Variants in WT1 observed in about 807,000 individuals in gnomAD.
WT1 encodes Wilms tumor protein.
In WT1, 8 loss-of-function variants were observed where a neutral mutation model predicts 60.8. The observed-to-expected ratio is 0.13, with a 90% CI of 0.08 to 0.24. WT1 has a LOEUF of 0.24. Ranked by LOEUF, WT1 falls within the 10% of genes least tolerant of loss-of-function variation. WT1 has a pLI of 1.00. For synonymous variants in WT1, 312 were observed against 297.1 expected (o/e 1.05, Z -0.52); for missense variants, 568 against 711.8 (o/e 0.80, Z 2.30).
intron 5 of WT1, among the ~76,000 whole-genome samples, chr11:32,407,650 C>T (rs1218159651): frequency 6.6e-6 from 1 of 152,060 alleles, no homozygotes; most frequent in Non-Finnish European, 1.5e-5. Context: ...CCCATCAACC[C>T]CTCTTCTCTC....
At chr11:32,397,598 G>A (rs1482067249) in intron 6 of WT1, among the ~76,000 whole-genome samples, 2 of 151,786 alleles carry the variant, frequency 1.3e-5, no homozygotes, top group African/African-American at 2.4e-5. Context: ...GGGATTACAG[G>A]TGTGAGCCAC....
At position 32,388,421 on chromosome 11, in the gene WT1, A is replaced by G. The variant is rs996185185; in HGVS notation, c.*637T>C. ...ATTAACTGAATGGTAAAATTCTTTT[A>G]GATTTCTATACAGAGGTACTGGTTA... On this transcript the variant is annotated 3_prime_UTR_variant, in exon 10 of 10. Coordinates refer to ENST00000452863, the MANE Select transcript of WT1 (RefSeq NM_024426.6). 1.7e-5 allele frequency: 4 copies of G among 234,042 alleles called. No homozygotes were observed. The highest frequency in any genetic ancestry group is 3.4e-5 in the Non-Finnish European group (4 of 118,540). 14.5% of individuals were successfully genotyped at this position (234,042 alleles called of 1,614,324 possible).
At chr11:32,399,811 G>C in intron 6 of WT1, 137 bp downstream of exon 6, 1 of 920,444 alleles carries the variant, frequency 1.1e-6, no homozygotes, top group Non-Finnish European at 1.7e-6. Flanking sequence ...ACGAGCAGGT[G>C]TCCCTGATGT....
chr11:32,416,495 C>T lies in WT1; in HGVS notation c.1011G>A (p.Gln337=), dbSNP rs1590373398. 6.2e-7 allele frequency: 1 copy of T among 1,614,136 alleles called. No individual in the cohort carries two copies. Among genetic ancestry groups the T allele is most frequent in the Non-Finnish European group, 8.5e-7 (1 of 1,180,002 alleles). Residue 337 remains glutamine, a synonymous_variant, in exon 5 of 10, where the codon CAG becomes CAA. Coordinates refer to ENST00000452863, the MANE Select transcript of WT1 (RefSeq NM_024426.6). ...TCTCCGCATTGTCCACTCACTTGCT[C>T]TGCCCTTCTGTCCATTTCACTGAGC...
chr11:32,395,510 C>T (rs1418168656), intron 7 of WT1, among the ~76,000 whole-genome samples: 6 of 149,540 alleles, frequency 4.0e-5, no homozygotes, highest in Non-Finnish European at 7.4e-5. Context: ...CTTGCTCTGT[C>T]GCCCAGGCTG....
Position 32,435,413 on chromosome 11 carries a change from C to G in WT1, c.-53G>C. ...GGGCGCCTGGGCTGCCGTCCCGGCTCTGGGTGGGTGGGTGGGTGAATGAGT... is the reference window on the plus strand; with the variant it reads ...GGGCGCCTGGGCTGCCGTCCCGGCTGTGGGTGGGTGGGTGGGTGAATGAGT... On this transcript the variant is annotated 5_prime_UTR_variant, in exon 1 of 10. Transcript: ENST00000452863. 1 of 120,108 alleles carries G rather than the reference C, an allele frequency of 8.3e-6. No homozygotes were observed. The highest frequency in any genetic ancestry group is 1.7e-4 in the South Asian group (1 of 5,988). 7.4% of individuals were successfully genotyped at this position (120,108 alleles called of 1,614,324 possible).
At chr11:32,391,835 C>A in intron 9 of WT1, 137 bp downstream of exon 9, 1 of 815,302 alleles carries the variant, frequency 1.2e-6, no homozygotes. Context: ...AAGATAGCCA[C>A]GCACTATTCC....
chr11:32,420,916 G>A (rs1852833734), intron 3 of WT1, among the ~76,000 whole-genome samples: 1 of 152,318 alleles, frequency 6.6e-6, no homozygotes, highest in South Asian at 2.1e-4. Flanking sequence ...AGAAGGTGGG[G>A]AGGATGTATG....
intron 3 of WT1, among the ~76,000 whole-genome samples, chr11:32,425,795 G>T (rs1325361974): frequency 6.6e-6 from 1 of 152,190 alleles, no homozygotes; most frequent in Non-Finnish European, 1.5e-5. Flanking sequence ...ACCAAAGAAA[G>T]TTCCTCAATT....
chr11:32,407,760 C>T (rs1465972086), intron 5 of WT1, among the ~76,000 whole-genome samples: 1 of 152,054 alleles, frequency 6.6e-6, no homozygotes, highest in Non-Finnish European at 1.5e-5. Context: ...GAACCATCAC[C>T]CCCTTGTTTA....
intron 3 of WT1, among the ~76,000 whole-genome samples, chr11:32,427,257 A>C (rs1018924787): frequency 6.6e-6 from 1 of 152,204 alleles, no homozygotes; most frequent in Non-Finnish European, 1.5e-5. Flanking sequence ...TGAAGAAAAA[A>C]TTTGGGGGAG....
rs1852481070 is a variant in WT1 at position 32,411,008 on chromosome 11, A to T, written c.1016+5482T>A. Among the ~76,000 whole-genome samples, 3 of 151,642 alleles carry T rather than the reference A, an allele frequency of 2.0e-5. No homozygotes were observed. In the South Asian group the frequency reaches 6.2e-4, roughly 32 times the overall value. ...GAGATCAGGGATAGGAGAAGTCCAA[A>T]TACTGCTTTGGATCATTAAGGTATC... On this transcript the variant is annotated intron_variant, in intron 5 of 9. Transcript: ENST00000452863.
intron 1 of WT1, among the ~76,000 whole-genome samples, chr11:32,433,992 C>T (rs1853397133): frequency 6.6e-6 from 1 of 152,252 alleles, no homozygotes; most frequent in Non-Finnish European, 1.5e-5. Flanking sequence ...TCGGATAAGT[C>T]AAGTTCTCTT....
intron 5 of WT1, among the ~76,000 whole-genome samples, chr11:32,406,374 C>T (rs550332907): frequency 9.9e-5 from 15 of 152,126 alleles, no homozygotes; most frequent in Admixed American, 8.5e-4. Context: ...AATCTAATGT[C>T]GCCACTGATC....
At chr11:32,391,730 T>C (rs563080451) in intron 9 of WT1, among the ~76,000 whole-genome samples, 43 of 152,368 alleles carry the variant, frequency 2.8e-4, no homozygotes, top group Non-Finnish European at 4.4e-4. Context: ...CTCTTCATTT[T>C]CATTCTGCAC....
chr11:32,402,814 G>C (rs989475224), intron 5 of WT1, among the ~76,000 whole-genome samples: 1 of 152,200 alleles, frequency 6.6e-6, no homozygotes, highest in African/African-American at 2.4e-5. Context: ...GCCTCCCAAA[G>C]TGCCAGGATC....
In WT1 at chr11:32,418,257, A is replaced by AC. The variant is rs1320837836; in HGVS notation, c.888-604_888-603insG. Among the ~76,000 whole-genome samples the AC allele has an allele frequency of 2.4e-3, 365 of 151,486 alleles. 7 individuals are homozygous for AC. The highest frequency in any genetic ancestry group is 9.4e-4 in the Non-Finnish European group (64 of 67,808). On this transcript the variant is annotated intron_variant, in intron 3 of 9. Transcript: ENST00000452863. Reference sequence around the variant, plus strand: ...TACAAGTCAAATTAAAAAAAAAAAAAAAGAGCCCAGTTCTATAAGACTCTA... The same window carrying AC: ...TACAAGTCAAATTAAAAAAAAAAAAACAAGAGCCCAGTTCTATAAGACTCTA...
chr11:32,396,154 T>C, intron 7 of WT1, 103 bp downstream of exon 7: 1 of 1,545,644 alleles, frequency 6.5e-7, no homozygotes, highest in Non-Finnish European at 8.9e-7. Context: ...AAGCAGTGCT[T>C]ACTTTCCATC....
At chr11:32,394,123 C>T (rs553475677) in intron 7 of WT1, among the ~76,000 whole-genome samples, 1 of 152,240 alleles carries the variant, frequency 6.6e-6, no homozygotes, top group East Asian at 1.9e-4. Flanking sequence ...GTCTTGAACC[C>T]CTTAAGCAAT....
Sources: gnomAD v4.1 joint callset for allele counts (sites outside exome capture counted in the v4.1 genomes callset) on GRCh38, gnomAD v4.1.1 for gene constraint, MANE v1.5 for transcripts, NCBI Gene and HGNC (gene_info 2026-07-23, HGNC 2026-07-21) for gene names.